The following JAK1 variants were observed in gnomAD, a reference collection of about 807,000 sequenced individuals.
The protein encoded by JAK1 is tyrosine-protein kinase JAK1.
Under a neutral mutation model 136.6 loss-of-function variants are expected in JAK1, and 16 were observed. That is an observed-to-expected ratio of 0.12 (90% CI 0.08 to 0.18). The LOEUF is 0.18. Ranked by LOEUF, JAK1 falls within the 10% of genes least tolerant of loss-of-function variation. The pLI is 1.00. For synonymous variants in JAK1, 492 were observed against 519.5 expected (o/e 0.95, Z 0.72); for missense variants, 859 against 1,450.1 (o/e 0.59, Z 6.62).
At chr1:64,935,973 A>G (rs1318087193) in intron 1 of JAK1, among the ~76,000 whole-genome samples, 2 of 152,162 alleles carry the variant, frequency 1.3e-5, no homozygotes, top group Admixed American at 6.5e-5. Context: ...CCCCACAAAC[A>G]GACGGTCCAG....
chr1:65,044,475 C>A (rs548998229), intron 2 of JAK1, among the ~76,000 whole-genome samples: 1 of 152,170 alleles, frequency 6.6e-6, no homozygotes, highest in African/African-American at 2.4e-5. Flanking sequence ...TTAATACCTA[C>A]GTACCTGCCT....
Position 64,841,221 on chromosome 1 carries a change from G to T in JAK1, c.2649+24C>A. 3.9e-6 allele frequency: 6 copies of T among 1,553,154 alleles called. No homozygotes were observed. The East Asian group carries it at 6.7e-5, about 17-fold the overall frequency. On this transcript the variant is annotated intron_variant, in intron 19 of 24. Coordinates refer to ENST00000342505, the MANE Select transcript of JAK1 (RefSeq NM_002227.4). ...ATGGCGGAGGGCTCTGCCATCAGCA[G>T]CAAGCAGCACGGGTGTAACTTACCT...
chr1:65,021,265 C>T (rs1646934808), intron 2 of JAK1, among the ~76,000 whole-genome samples: 1 of 152,152 alleles, frequency 6.6e-6, no homozygotes, highest in African/African-American at 2.4e-5. Flanking sequence ...TTTTAAAATA[C>T]AAGGTTTGGG....
chr1:64,904,798 C>T (rs1645165875), intron 1 of JAK1, among the ~76,000 whole-genome samples: 1 of 151,970 alleles, frequency 6.6e-6, no homozygotes, highest in South Asian at 2.1e-4. Flanking sequence ...GGGATAAAAT[C>T]TAAGATTTCA....
rs1417546651 is a variant in JAK1, at chr1:64,966,464, C to G, written c.-209G>C. On this transcript the variant is annotated 5_prime_UTR_variant, in exon 1 of 25. Coordinates refer to ENST00000342505, the MANE Select transcript of JAK1 (RefSeq NM_002227.4). ...GCCCAGGGCTGAGGAGGGGTCGCGG[C>G]GAGGACAGCCGGGACTGGGCGCAGG... is the stretch of plus-strand genomic sequence containing the variant. The G allele has an allele frequency of 2.6e-5, 4 of 151,040 alleles. No homozygotes were observed. The East Asian group carries it at 7.8e-4, about 30-fold the overall frequency. 9.4% of individuals were successfully genotyped at this position (151,040 alleles called of 1,614,324 possible).
rs150029047 is a variant in JAK1, at chr1:65,056,794, C to T, written c.-181+10810G>A. ...ACAAAATTACATGGGCATGGTGGTGCACACCTGTAATCCCAGCTACTCGGC... is the reference window on the plus strand; with the variant it reads ...ACAAAATTACATGGGCATGGTGGTGTACACCTGTAATCCCAGCTACTCGGC... On this transcript the variant is annotated intron_variant, in intron 1 of 25. Coordinates refer to the JAK1 transcript ENST00000671954. 3.5e-3 allele frequency among the ~76,000 whole-genome samples: 526 copies of T among 152,036 alleles called. 1 individual carries two copies. Among genetic ancestry groups the T allele is most frequent in the African/African-American group, 0.012 (509 of 41,478 alleles).
chr1:64,892,495 A>C (rs564530803), intron 1 of JAK1, among the ~76,000 whole-genome samples: 3 of 152,154 alleles, frequency 2.0e-5, no homozygotes, highest in African/African-American at 7.2e-5. Flanking sequence ...ATGGTGCCCA[A>C]GGTGGTCTCA....
chr1:64,918,816 T>C (rs12563818), intron 1 of JAK1: 21,471 of 153,190 alleles, frequency 0.14, 1,690 homozygotes, highest in East Asian at 0.28. Flanking sequence ...TGTTGGAGAT[T>C]ACATTAACAA....
In JAK1 at chr1:64,894,604, A is replaced by C. The variant is rs569721878; in HGVS notation, c.-77-8263T>G. On this transcript the variant is annotated intron_variant, in intron 1 of 24. Coordinates refer to ENST00000342505, the MANE Select transcript of JAK1 (RefSeq NM_002227.4). ...TGAAACCCCGTCTCTACTAAAAAAA[A>C]CAAAAAACAAAAAACAAAAAAGGTT... is the stretch of plus-strand genomic sequence containing the variant. Among the ~76,000 whole-genome samples the C allele has an allele frequency of 2.6e-5, 4 of 152,004 alleles. No homozygotes were observed. The East Asian group carries it at 7.8e-4, about 29-fold the overall frequency.
At chr1:64,925,639 C>T (rs1420409810) in intron 1 of JAK1, among the ~76,000 whole-genome samples, 2 of 152,172 alleles carry the variant, frequency 1.3e-5, no homozygotes, top group Non-Finnish European at 2.9e-5. Flanking sequence ...CTGTGGGTAA[C>T]TGGGCCTTCC....
At chr1:64,853,806 G>A (rs1318967291) in intron 11 of JAK1, among the ~76,000 whole-genome samples, 3 of 152,148 alleles carry the variant, frequency 2.0e-5, no homozygotes. Flanking sequence ...CGCTGACTCC[G>A]TGCTGGGCAC....
chr1:64,860,522 C>T (rs1037222596), intron 8 of JAK1, among the ~76,000 whole-genome samples: 2 of 150,258 alleles, frequency 1.3e-5, no homozygotes, highest in Non-Finnish European at 3.0e-5. Context: ...GGTGAGATCT[C>T]GGCTCACTGC....
intron 12 of JAK1, 136 bp from the exon 13 acceptor site, chr1:64,847,811 T>C: frequency 1.1e-6 from 1 of 939,162 alleles, no homozygotes; most frequent in Non-Finnish European, 1.6e-6. Flanking sequence ...CCCCAGCTCG[T>C]GGTCCCCAGG....
At chr1:64,873,957 T>A (rs1292015823) in intron 4 of JAK1, among the ~76,000 whole-genome samples, 1 of 152,238 alleles carries the variant, frequency 6.6e-6, no homozygotes, top group African/African-American at 2.4e-5. Flanking sequence ...AATCAAGATA[T>A]ACAGCTTACG....
intron 2 of JAK1, among the ~76,000 whole-genome samples, chr1:65,036,884 A>T (rs1262131647): frequency 6.6e-6 from 1 of 152,164 alleles, no homozygotes; most frequent in Admixed American, 6.6e-5. Flanking sequence ...AAATAAATAC[A>T]TGCTTATAAG....
At chr1:64,959,746 A>G (rs143684039) in intron 1 of JAK1, among the ~76,000 whole-genome samples, 2 of 152,360 alleles carry the variant, frequency 1.3e-5, no homozygotes, top group East Asian at 3.9e-4. Context: ...TGTCTACGTA[A>G]TAAACCCTTC....
chr1:64,927,431 G>A (rs1645601292), intron 1 of JAK1, among the ~76,000 whole-genome samples: 1 of 152,080 alleles, frequency 6.6e-6, no homozygotes, highest in Admixed American at 6.6e-5. Flanking sequence ...TTGAATAAGT[G>A]GGCAAATGAA....
At position 64,873,395 on chromosome 1, in the gene JAK1, C is replaced by A; in HGVS notation, c.458G>T (p.Ser153Ile). ...IPDATPLLDA[S>I]SLEYLFAQGQ... is the part of the protein sequence containing the mutation. ...CTGAGCAAACAGATACTCCAGTGAG[C>A]TGGCATCAAGGAGAGGGGTTGCATC... is the stretch of plus-strand genomic sequence containing the variant. The change falls in exon 5 of 25, where the codon AGC (serine) becomes ATC (isoleucine). Residue 153 changes from serine to isoleucine, a missense_variant. Transcript: ENST00000342505. 6.2e-7 allele frequency: 1 copy of A among 1,614,200 alleles called. No individual in the cohort carries two copies. The highest frequency in any genetic ancestry group is 8.5e-7 in the Non-Finnish European group (1 of 1,180,032).
At chr1:64,956,388 A>G (rs1478143810) in intron 1 of JAK1, among the ~76,000 whole-genome samples, 1 of 152,202 alleles carries the variant, frequency 6.6e-6, no homozygotes, top group African/African-American at 2.4e-5. Flanking sequence ...ATCCCACTGA[A>G]GGGGCGTGGC....
Sources: allele counts gnomAD v4.1 joint callset (sites outside exome capture counted in the v4.1 genomes callset), GRCh38; gene constraint gnomAD v4.1.1; transcripts MANE v1.5; gene names NCBI Gene and HGNC (gene_info 2026-07-23, HGNC 2026-07-21).